MSRB3: variants seen among roughly 807,000 people sequenced by gnomAD.
The protein encoded by MSRB3 is methionine-R-sulfoxide reductase B3.
In MSRB3, 13 loss-of-function variants were observed where a neutral mutation model predicts 21.0. The observed-to-expected ratio is 0.62, with a 90% CI of 0.40 to 0.98. The LOEUF (loss-of-function observed/expected upper bound fraction) is 0.98, where lower values mean the gene tolerates loss of function less well. Ranked by LOEUF, MSRB3 falls within the 50% of genes least tolerant of loss-of-function variation. The pLI is 0.00. For missense variants in MSRB3, 199 were observed against 230.3 expected (o/e 0.86, Z 0.88); for synonymous variants, 87 against 88.6 (o/e 0.98, Z 0.10).
At chr12:65,449,694 G>A (rs1433211914) in intron 5 of MSRB3, among the ~76,000 whole-genome samples, 2 of 152,126 alleles carry the variant, frequency 1.3e-5, no homozygotes, top group Non-Finnish European at 2.9e-5. Context: ...AGTAGTTTCT[G>A]CTGGGTTCTG....
chr12:65,460,574 G>C (rs1267210552), intron 6 of MSRB3, among the ~76,000 whole-genome samples: 1 of 152,128 alleles, frequency 6.6e-6, no homozygotes, highest in Non-Finnish European at 1.5e-5. Context: ...AGGCTGCTAT[G>C]ACTCTTCCAG....
chr12:65,309,678 A>G (rs1384646024), intron 2 of MSRB3, among the ~76,000 whole-genome samples: 3 of 152,170 alleles, frequency 2.0e-5, no homozygotes, highest in Non-Finnish European at 4.4e-5. Context: ...TCTGAAGTTT[A>G]AGGAGGGCAT....
intron 5 of MSRB3, among the ~76,000 whole-genome samples, chr12:65,440,890 A>G (rs181789158): frequency 2.6e-4 from 40 of 152,010 alleles, no homozygotes; most frequent in African/African-American, 9.4e-4. Flanking sequence ...TTTAGTGCCT[A>G]CTCAGTACTA....
intron 1 of MSRB3, among the ~76,000 whole-genome samples, chr12:65,302,721 A>AAATGGTTG (rs1413909769): frequency 6.6e-6 from 1 of 152,208 alleles, no homozygotes; most frequent in Non-Finnish European, 1.5e-5. Flanking sequence ...AGCAGTAGCT[A>AAATGGTTG]AATGGTTGAT....
At chr12:65,422,428 A>ATATATATATATTTATT (rs34413074) in intron 5 of MSRB3, among the ~76,000 whole-genome samples, 2 of 73,414 alleles carry the variant, frequency 2.7e-5, no homozygotes, top group Non-Finnish European at 5.1e-5. Context: ...ATATATATAT[A>ATATATATATATTTATT]TATTTATTTA....
intron 5 of MSRB3, among the ~76,000 whole-genome samples, chr12:65,444,384 C>A (rs1882520181): frequency 6.6e-6 from 1 of 152,108 alleles, no homozygotes; most frequent in South Asian, 2.1e-4. Context: ...CAAAAAGATT[C>A]TTGTAGTCTT....
intron 2 of MSRB3, among the ~76,000 whole-genome samples, chr12:65,313,471 T>G (rs1874105981): frequency 6.6e-6 from 1 of 152,246 alleles, no homozygotes; most frequent in Non-Finnish European, 1.5e-5. Flanking sequence ...ATAAAAGTTA[T>G]GACCTTCTTT....
intron 4 of MSRB3, among the ~76,000 whole-genome samples, chr12:65,333,782 A>G (rs575801551): frequency 2.6e-5 from 4 of 152,296 alleles, no homozygotes; most frequent in African/African-American, 9.6e-5. Flanking sequence ...TTATCTGTCT[A>G]TGTGCTTGTC....
intron 5 of MSRB3, among the ~76,000 whole-genome samples, chr12:65,393,710 ATGTG>A (rs1175076695): frequency 6.6e-6 from 1 of 151,314 alleles, no homozygotes; most frequent in Non-Finnish European, 1.5e-5. Flanking sequence ...GTGTATATAT[ATGTG>A]TGTGTGTATT....
Position 65,349,753 on chromosome 12 carries a change from G to T in MSRB3, c.264-19245G>T, listed in dbSNP as rs898814954. ...TGTCCTTCACCCACTTTTTGATGGG[G>T]TTGTTTGTTTTTTTCTTGTAAATTT... is the stretch of plus-strand genomic sequence containing the variant. On this transcript the variant is annotated intron_variant, in intron 4 of 6. Coordinates refer to ENST00000308259, the MANE Select transcript of MSRB3 (RefSeq NM_001031679.3). 1.0e-3 allele frequency among the ~76,000 whole-genome samples: 155 copies of T among 150,874 alleles called. 1 individual carries two copies. Among genetic ancestry groups the T allele is most frequent in the African/African-American group, 3.6e-3 (144 of 40,310 alleles).
chr12:65,338,064 T>C (rs987271771), intron 4 of MSRB3, among the ~76,000 whole-genome samples: 2 of 152,232 alleles, frequency 1.3e-5, no homozygotes, highest in African/African-American at 4.8e-5. Flanking sequence ...AGTTTAATCC[T>C]GATAAGAATA....
intron 1 of MSRB3, chr12:65,279,139 T>C: frequency 2.4e-6 from 3 of 1,232,336 alleles, no homozygotes; most frequent in Non-Finnish European, 3.1e-6. Flanking sequence ...CCTTATCCTG[T>C]CCCGGGAGCG....
intron 5 of MSRB3, 145 bp downstream of exon 5, chr12:65,369,171 C>A: frequency 3.1e-6 from 2 of 645,770 alleles, no homozygotes; most frequent in Admixed American, 2.7e-5. Flanking sequence ...CAAAGCAGGG[C>A]TATTGACTGC....
chr12:65,293,892 G>A (rs1872799506), intron 1 of MSRB3, among the ~76,000 whole-genome samples: 1 of 152,182 alleles, frequency 6.6e-6, no homozygotes, highest in Non-Finnish European at 1.5e-5. Flanking sequence ...ATCTTTCAGT[G>A]TGACAAAAGA....
chr12:65,386,942 T>G (rs2136568932), intron 5 of MSRB3, among the ~76,000 whole-genome samples: 1 of 152,158 alleles, frequency 6.6e-6, no homozygotes, highest in Non-Finnish European at 1.5e-5. Context: ...AAGGGTAGAA[T>G]TATTGGTTAC....
At chr12:65,334,049 C>T (rs1033991147) in intron 4 of MSRB3, among the ~76,000 whole-genome samples, 1 of 151,904 alleles carries the variant, frequency 6.6e-6, no homozygotes, top group Admixed American at 6.6e-5. Context: ...TCTTTTTTTT[C>T]CTTGTTAGCG....
chr12:65,356,328 G>A (rs1355376290), intron 4 of MSRB3, among the ~76,000 whole-genome samples: 2 of 151,426 alleles, frequency 1.3e-5, no homozygotes, highest in East Asian at 3.9e-4. Context: ...TTTTTGCCTC[G>A]GGGCTGGGTC....
intron 6 of MSRB3, among the ~76,000 whole-genome samples, chr12:65,460,736 C>CTTT (rs869050828): frequency 7.5e-6 from 1 of 132,972 alleles, no homozygotes; most frequent in Non-Finnish European, 1.6e-5. Flanking sequence ...CTCTTCCTCA[C>CTTT]TTTTTTTTTT....
At chr12:65,461,569 T>C (rs1285768430) in intron 6 of MSRB3, among the ~76,000 whole-genome samples, 1 of 152,204 alleles carries the variant, frequency 6.6e-6, no homozygotes, top group African/African-American at 2.4e-5. Context: ...CTATTTCTGC[T>C]ATTTATTAAT....
Sources: allele counts gnomAD v4.1 joint callset (sites outside exome capture counted in the v4.1 genomes callset), GRCh38; gene constraint gnomAD v4.1.1; transcripts MANE v1.5; gene names NCBI Gene and HGNC (gene_info 2026-07-23, HGNC 2026-07-21).